TUSC3: variants seen among roughly 807,000 people sequenced by gnomAD.
TUSC3 encodes the protein dolichyl-diphosphooligosaccharide--protein glycosyltransferase subunit TUSC3.
TUSC3 carries 45 observed loss-of-function variants against 44.8 expected under a neutral mutation model. The ratio of observed to expected loss-of-function variants is 1.00; its 90% CI spans 0.79 to 1.29. The LOEUF (loss-of-function observed/expected upper bound fraction) is 1.29. TUSC3 is among the 50% of genes most tolerant of loss of function. The probability of loss-of-function intolerance (pLI) is 0.00; values close to 1 mark genes in which losing one functional copy is unlikely to be tolerated. For missense variants in TUSC3, 519 were observed against 437.9 expected, an observed-to-expected ratio of 1.19 and a Z score of -1.65; for synonymous variants, 212 against 152.9, an observed-to-expected ratio of 1.39 and a Z score of -2.85.
chr8:15,580,927 C>G (rs1803301614), intron 1 of TUSC3, among the ~76,000 whole-genome samples: 1 of 125,232 alleles, frequency 8.0e-6, no homozygotes, highest in Admixed American at 8.3e-5. Flanking sequence ...CAACTTGGTT[C>G]CATTCTCCCC....
chr8:15,744,830 G>A (rs540719042), intron 8 of TUSC3, among the ~76,000 whole-genome samples: 7 of 151,854 alleles, frequency 4.6e-5, no homozygotes, highest in African/African-American at 9.7e-5. Flanking sequence ...TAGATTTGGG[G>A]GTTTATGTAT....
intron 2 of TUSC3, among the ~76,000 whole-genome samples, chr8:15,635,181 A>T (rs1339129507): frequency 6.6e-6 from 1 of 152,086 alleles, no homozygotes; most frequent in African/African-American, 2.4e-5. Context: ...AGAATCTTAA[A>T]TTTTTCAAAA....
At chr8:15,749,516 G>A (rs1454384225) in intron 9 of TUSC3, among the ~76,000 whole-genome samples, 1 of 151,896 alleles carries the variant, frequency 6.6e-6, no homozygotes. Context: ...ATATACCAAG[G>A]GAATGGAAGA....
intron 1 of TUSC3, among the ~76,000 whole-genome samples, chr8:15,556,277 A>T (rs1285096229): frequency 7.0e-6 from 1 of 142,346 alleles, no homozygotes; most frequent in Admixed American, 7.0e-5. Context: ...TGTTCTTGAG[A>T]TAGTTTACTG....
intron 2 of TUSC3, among the ~76,000 whole-genome samples, chr8:15,511,752 C>A (rs1268802538): frequency 6.6e-6 from 1 of 152,014 alleles, no homozygotes; most frequent in Non-Finnish European, 1.5e-5. Flanking sequence ...TGCCTATAAT[C>A]CCAGATACTT....
chr8:15,493,755 T>G (rs994575656), intron 2 of TUSC3, among the ~76,000 whole-genome samples: 2 of 152,136 alleles, frequency 1.3e-5, no homozygotes, highest in African/African-American at 4.8e-5. Flanking sequence ...GTTCAAAAAG[T>G]GAGCCCCCAA....
chr8:15,520,093 C>G (rs1409046458), intron 2 of TUSC3, among the ~76,000 whole-genome samples: 1 of 152,166 alleles, frequency 6.6e-6, no homozygotes, highest in Non-Finnish European at 1.5e-5. Context: ...ATTCCCCTTT[C>G]ATCCTGTTAT....
intron 1 of TUSC3, among the ~76,000 whole-genome samples, chr8:15,565,278 T>C (rs917548116): frequency 6.6e-6 from 1 of 151,906 alleles, no homozygotes; most frequent in African/African-American, 2.4e-5. Flanking sequence ...AAAAACTGAC[T>C]CTGATTTTCT....
At chr8:15,665,072 TTAAAA>T (rs1284674008) in intron 5 of TUSC3, among the ~76,000 whole-genome samples, 42 of 151,740 alleles carry the variant, frequency 2.8e-4, no homozygotes, top group Admixed American at 2.4e-3. Context: ...ATTTGTCTGT[TTAAAA>T]TAACTAATAT....
intron 1 of TUSC3, among the ~76,000 whole-genome samples, chr8:15,460,519 G>C (rs1268906228): frequency 6.6e-6 from 1 of 152,082 alleles, no homozygotes; most frequent in Non-Finnish European, 1.5e-5. Context: ...CTTTTGCCGT[G>C]CAAAACTCTT....
At chr8:15,475,466 C>T (rs898738541) in intron 1 of TUSC3, among the ~76,000 whole-genome samples, 2 of 152,260 alleles carry the variant, frequency 1.3e-5, no homozygotes, top group African/African-American at 4.8e-5. Context: ...TTTCAGTTTT[C>T]TGTTTATCTC....
At chr8:15,825,340 G>T in the TUSC3 span, among the ~76,000 whole-genome samples, 1 of 152,164 alleles carries the variant, frequency 6.6e-6, no homozygotes, top group Non-Finnish European at 1.5e-5. Flanking sequence ...GAAGGCAAAG[G>T]AGGAGTAAGG....
At chr8:15,504,611 ATATATATATATTTTT>A (rs1446768205) in intron 2 of TUSC3, among the ~76,000 whole-genome samples, 12 of 22,314 alleles carry the variant, frequency 5.4e-4, no homozygotes, top group African/African-American at 2.9e-3. Flanking sequence ...ATATATATAT[ATATATATATATTTTT>A]TTTTTTTTTT....
chr8:15,514,529 T>C (rs891956384), intron 2 of TUSC3, among the ~76,000 whole-genome samples: 1 of 152,202 alleles, frequency 6.6e-6, no homozygotes. Context: ...CTTACAATCA[T>C]GCTGAAAACG....
chr8:15,633,386 A>T (rs1315299916), intron 2 of TUSC3, among the ~76,000 whole-genome samples: 1 of 152,142 alleles, frequency 6.6e-6, no homozygotes, highest in African/African-American at 2.4e-5. Flanking sequence ...AAAGTTAGTG[A>T]TAAATTTCTT....
At chr8:15,711,454 A>G (rs1457032013) in intron 6 of TUSC3, among the ~76,000 whole-genome samples, 4 of 128,510 alleles carry the variant, frequency 3.1e-5, no homozygotes, top group African/African-American at 5.9e-5. Context: ...TTAGAAAAAC[A>G]AAAAGGTACG....
chr8:15,593,135 G>C lies in TUSC3; in HGVS notation c.139-29945G>C, dbSNP rs1029442019. 2.6e-5 allele frequency among the ~76,000 whole-genome samples: 4 copies of C among 152,138 alleles called. No homozygotes were observed. The East Asian group carries it at 7.7e-4, about 29-fold the overall frequency. On this transcript the variant is annotated intron_variant, in intron 1 of 10. Transcript: ENST00000503731. Reference sequence around the variant, plus strand: ...GAGTCTCACTCTGTTGCCCAGGGTGGAGTGCAGTGGTGTGATCTTGGCTCA... The same window carrying C: ...GAGTCTCACTCTGTTGCCCAGGGTGCAGTGCAGTGGTGTGATCTTGGCTCA...
the TUSC3 span, among the ~76,000 whole-genome samples, chr8:15,811,849 G>A: frequency 6.6e-6 from 1 of 151,994 alleles, no homozygotes; most frequent in Non-Finnish European, 1.5e-5. Context: ...AGTAGCAAAA[G>A]CCTGTATAAA....
At chr8:15,722,599 C>T (rs1487852017) in intron 6 of TUSC3, among the ~76,000 whole-genome samples, 2 of 152,084 alleles carry the variant, frequency 1.3e-5, no homozygotes, top group East Asian at 3.9e-4. Context: ...AGAACTATGT[C>T]GTTTGTTATG....
Sources: allele counts gnomAD v4.1 joint callset (sites outside exome capture counted in the v4.1 genomes callset), GRCh38; gene constraint gnomAD v4.1.1; transcripts MANE v1.5; gene names NCBI Gene and HGNC (gene_info 2026-07-23, HGNC 2026-07-21).